DPP10: variants seen among roughly 807,000 people sequenced by gnomAD.
The protein encoded by DPP10 is inactive dipeptidyl peptidase 10.
In DPP10, 33 loss-of-function variants were observed where a neutral mutation model predicts 120.9. The observed-to-expected ratio is 0.27, with a 90% confidence interval of 0.21 to 0.37. The LOEUF is 0.37. DPP10 is among the 10% of genes least tolerant of loss of function. DPP10 has a pLI of 1.00. For synonymous variants in DPP10, 337 were observed against 326.1 expected (o/e 1.03, Z -0.36); for missense variants, 816 against 942.8 (o/e 0.87, Z 1.76).
chr2:115,451,711 A>G (rs1326061806), intron 3 of DPP10, among the ~76,000 whole-genome samples: 2 of 151,962 alleles, frequency 1.3e-5, no homozygotes, highest in African/African-American at 4.8e-5. Flanking sequence ...TTAATTTCAA[A>G]TGTATCTTTC....
chr2:114,783,658 G>A lies in DPP10; in HGVS notation c.60+340820G>A, dbSNP rs535414111. Among the ~76,000 whole-genome samples, 5 of 152,058 alleles carry A rather than the reference G, an allele frequency of 3.3e-5. No individual in the cohort carries two copies. The South Asian group carries it at 6.2e-4, about 19-fold the overall frequency. ...TTGAGACCAGCCTGGACAACATGAC[G>A]AAAACCCATCTCTAAAAATGCAAAA... On this transcript the variant is annotated intron_variant, in intron 1 of 25. Transcript: ENST00000410059.
At chr2:115,089,413 G>A (rs887824927) in intron 1 of DPP10, among the ~76,000 whole-genome samples, 2 of 152,162 alleles carry the variant, frequency 1.3e-5, no homozygotes, top group African/African-American at 2.4e-5. Flanking sequence ...TAGATGAGCA[G>A]TAATTGGACA....
chr2:114,936,355 ATATATATATGTGTGTGTG>A (rs908993456), intron 1 of DPP10, among the ~76,000 whole-genome samples: 1 of 151,820 alleles, frequency 6.6e-6, no homozygotes, highest in Non-Finnish European at 1.5e-5. Context: ...TCGATAGTGT[ATATATATATGTGTGTGTG>A]TATATATATA....
intron 1 of DPP10, among the ~76,000 whole-genome samples, chr2:115,201,042 C>G (rs1377317579): frequency 1.3e-5 from 2 of 152,154 alleles, no homozygotes; most frequent in Non-Finnish European, 2.9e-5. Flanking sequence ...TTGGATCATC[C>G]TCCTAATCCT....
At chr2:115,796,387 G>T (rs1027712360) in intron 19 of DPP10, among the ~76,000 whole-genome samples, 1 of 152,014 alleles carries the variant, frequency 6.6e-6, no homozygotes, top group African/African-American at 2.4e-5. Context: ...TTGCCATACC[G>T]CACTAACTGG....
At chr2:115,312,885 G>A (rs1030176170) in intron 2 of DPP10, among the ~76,000 whole-genome samples, 1 of 152,072 alleles carries the variant, frequency 6.6e-6, no homozygotes, top group Non-Finnish European at 1.5e-5. Flanking sequence ...CAAGACACTG[G>A]GCCTTTTAGG....
intron 1 of DPP10, among the ~76,000 whole-genome samples, chr2:115,037,387 A>G (rs1242397581): frequency 6.6e-6 from 1 of 152,222 alleles, no homozygotes; most frequent in Non-Finnish European, 1.5e-5. Context: ...CATTGTTTCA[A>G]AACTTTCAGG....
At chr2:115,347,214 G>C (rs977344083) in intron 3 of DPP10, among the ~76,000 whole-genome samples, 3 of 152,072 alleles carry the variant, frequency 2.0e-5, no homozygotes, top group Non-Finnish European at 4.4e-5. Context: ...ATTGAAGTGT[G>C]ACTGGACAAA....
At chr2:115,265,337 A>G (rs1282907582) in intron 1 of DPP10, among the ~76,000 whole-genome samples, 1 of 151,272 alleles carries the variant, frequency 6.6e-6, no homozygotes, top group Admixed American at 6.6e-5. Flanking sequence ...TTCACTCAGT[A>G]TCCTGTCTTA....
At chr2:115,166,521 A>G (rs2052868193) in intron 1 of DPP10, among the ~76,000 whole-genome samples, 1 of 141,554 alleles carries the variant, frequency 7.1e-6, no homozygotes, top group Non-Finnish European at 1.5e-5. Flanking sequence ...AATTTATAAT[A>G]TAAATATATA....
At chr2:114,633,910 C>T (rs76305172) in intron 1 of DPP10, among the ~76,000 whole-genome samples, 17,022 of 151,654 alleles carry the variant, frequency 0.11, 1,476 homozygotes, top group African/African-American at 0.22. Flanking sequence ...CTGCCAAGCC[C>T]GGCCTTTTTG....
intron 3 of DPP10, among the ~76,000 whole-genome samples, chr2:115,389,564 C>T (rs1036389322): frequency 6.6e-6 from 1 of 152,010 alleles, no homozygotes; most frequent in African/African-American, 2.4e-5. Context: ...AAATAATAAC[C>T]TTGTTGAACC....
intron 1 of DPP10, among the ~76,000 whole-genome samples, chr2:115,206,839 A>G (rs1369175782): frequency 6.6e-6 from 1 of 152,222 alleles, no homozygotes; most frequent in Non-Finnish European, 1.5e-5. Flanking sequence ...TATTTGTCCA[A>G]TCTAGATACA....
At chr2:115,704,542 G>A (rs1459143703) in intron 7 of DPP10, among the ~76,000 whole-genome samples, 3 of 151,862 alleles carry the variant, frequency 2.0e-5, no homozygotes, top group Non-Finnish European at 4.4e-5. Context: ...AAGGCAAAAT[G>A]TAAGTTTAAT....
chr2:114,461,306 C>A (rs1171644091), intron 1 of DPP10, among the ~76,000 whole-genome samples: 2 of 152,180 alleles, frequency 1.3e-5, no homozygotes, highest in African/African-American at 4.8e-5. Context: ...TGCCTCATTG[C>A]TGAGTGAGCA....
chr2:114,663,477 T>C (rs1209919031), intron 1 of DPP10, among the ~76,000 whole-genome samples: 1 of 150,566 alleles, frequency 6.6e-6, no homozygotes, highest in Non-Finnish European at 1.5e-5. Flanking sequence ...TTTCCAGTGA[T>C]TTATTCTAGC....
At chr2:114,548,212 G>T (rs1687582732) in intron 1 of DPP10, among the ~76,000 whole-genome samples, 1 of 152,178 alleles carries the variant, frequency 6.6e-6, no homozygotes, top group Admixed American at 6.5e-5. Flanking sequence ...TCATCTCTAT[G>T]GAGAAACTGG....
intron 5 of DPP10, among the ~76,000 whole-genome samples, chr2:115,613,744 G>A (rs2084285243): frequency 6.6e-6 from 1 of 152,138 alleles, no homozygotes; most frequent in African/African-American, 2.4e-5. Flanking sequence ...CCAGCAAAAC[G>A]CAGACTCTAA....
At chr2:115,742,434 A>G (rs1016712190) in intron 9 of DPP10, among the ~76,000 whole-genome samples, 1 of 152,188 alleles carries the variant, frequency 6.6e-6, no homozygotes, top group Non-Finnish European at 1.5e-5. Context: ...ATGTATAACT[A>G]TATATGATAA....
Sources: gnomAD v4.1 joint callset for allele counts (sites outside exome capture counted in the v4.1 genomes callset) on GRCh38, gnomAD v4.1.1 for gene constraint, MANE v1.5 for transcripts, NCBI Gene and HGNC (gene_info 2026-07-23, HGNC 2026-07-21) for gene names.